The following RNF150 variants were observed in gnomAD, a reference collection of about 807,000 sequenced individuals.
RNF150 encodes the protein ring finger protein 150.
RNF150 carries 24 observed loss-of-function variants against 39.3 expected under a neutral mutation model. The ratio of observed to expected loss-of-function variants is 0.61; its 90% CI spans 0.44 to 0.86. The LOEUF is 0.86. Among genes scored for constraint, RNF150 ranks in the 40% least tolerant of loss-of-function variants. The pLI, the probability that RNF150 is intolerant of heterozygous loss-of-function variation, is 0.00. For synonymous variants in RNF150, 255 were observed against 227.3 expected (o/e 1.12, Z -1.10); for missense variants, 502 against 587.8 (o/e 0.85, Z 1.51).
intron 1 of RNF150, among the ~76,000 whole-genome samples, chr4:141,139,887 T>C (rs1369582816): frequency 6.6e-6 from 1 of 152,212 alleles, no homozygotes; most frequent in Non-Finnish European, 1.5e-5. Context: ...GGTAGTCTTT[T>C]TGTCTCAGAT....
intron 1 of RNF150, among the ~76,000 whole-genome samples, chr4:141,171,099 A>G (rs773867891): frequency 1.3e-5 from 2 of 152,218 alleles, no homozygotes; most frequent in Non-Finnish European, 2.9e-5. Context: ...TATAATGAAT[A>G]TATACACAGT....
intron 1 of RNF150, among the ~76,000 whole-genome samples, chr4:141,209,587 G>A (rs1423626517): frequency 6.6e-6 from 1 of 152,034 alleles, no homozygotes; most frequent in Admixed American, 6.6e-5. Flanking sequence ...CACAATTTGT[G>A]TTTTCTTGTC....
intron 1 of RNF150, among the ~76,000 whole-genome samples, chr4:141,100,037 A>G (rs989283566): frequency 6.6e-6 from 1 of 152,176 alleles, no homozygotes; most frequent in Non-Finnish European, 1.5e-5. Context: ...ACTGATAAAC[A>G]TGAAAATATA....
At chr4:141,110,809 G>A (rs186452636) in intron 1 of RNF150, among the ~76,000 whole-genome samples, 153 of 151,954 alleles carry the variant, frequency 1.0e-3, no homozygotes, top group Middle Eastern at 6.8e-3. Context: ...CTTCTGTTTC[G>A]GGAAAATGTC....
chr4:140,873,820 C>T (rs1269581913), intron 6 of RNF150, among the ~76,000 whole-genome samples: 3 of 152,146 alleles, frequency 2.0e-5, no homozygotes, highest in East Asian at 1.9e-4. Flanking sequence ...GGACCACATA[C>T]GTGTCCCACC....
intron 1 of RNF150, among the ~76,000 whole-genome samples, chr4:141,077,395 A>C (rs1478969319): frequency 6.6e-6 from 1 of 152,226 alleles, no homozygotes; most frequent in Non-Finnish European, 1.5e-5. Context: ...AAAAGGCTAC[A>C]TATGTGACTG....
intron 1 of RNF150, among the ~76,000 whole-genome samples, chr4:141,068,615 T>C (rs1432783222): frequency 6.6e-6 from 1 of 151,822 alleles, no homozygotes; most frequent in Non-Finnish European, 1.5e-5. Context: ...GGTAGCTTGA[T>C]GGGGATGGCA....
chr4:141,162,198 C>T (rs1308242772), intron 1 of RNF150, among the ~76,000 whole-genome samples: 1 of 152,196 alleles, frequency 6.6e-6, no homozygotes, highest in Non-Finnish European at 1.5e-5. Flanking sequence ...GCCTTGGGAG[C>T]CCACTCCCTG....
At chr4:141,038,221 T>C (rs369868795) in intron 1 of RNF150, among the ~76,000 whole-genome samples, 22 of 152,256 alleles carry the variant, frequency 1.4e-4, no homozygotes, top group African/African-American at 4.6e-4. Flanking sequence ...CCTCAATCTC[T>C]GGAAAGTGCA....
intron 1 of RNF150, among the ~76,000 whole-genome samples, chr4:141,173,308 A>T (rs1560768068): frequency 1.3e-5 from 2 of 152,214 alleles, no homozygotes; most frequent in African/African-American, 4.8e-5. Context: ...GGTGTCTTTT[A>T]TAAAGTTTTG....
chr4:141,064,310 T>C (rs1356374764), intron 1 of RNF150, among the ~76,000 whole-genome samples: 2 of 152,230 alleles, frequency 1.3e-5, no homozygotes, highest in South Asian at 2.1e-4. Context: ...CTGCCTGGTA[T>C]ATGACAGGCG....
In RNF150 at chr4:141,132,640, C is replaced by T. The variant is rs570217475; in HGVS notation, c.169G>A (p.Ala57Thr). 1.9e-6 allele frequency: 3 copies of T among 1,597,006 alleles called. No homozygotes were observed. The highest frequency in any genetic ancestry group is 2.6e-6 in the Non-Finnish European group (3 of 1,173,354). Reference sequence around the variant, plus strand: ...GCGCCGCCGCCGCCCGCCGCCCCGGCCCCGGGGTCCGGCGCGGGCTCGGCG... The same window carrying T: ...GCGCCGCCGCCGCCCGCCGCCCCGGTCCCGGGGTCCGGCGCGGGCTCGGCG... ...TYAEPAPDPGAGAAGGGGAEL... is the reference protein window; with the variant it reads ...TYAEPAPDPGTGAAGGGGAEL... Residue 57 changes from alanine (A) to threonine (T), a missense_variant, in exon 1 of 7, where the codon GCC (alanine) becomes ACC (threonine). Ala to Thr is a moderately conservative substitution (Grantham distance 58). Transcript: ENST00000515673. This position sits in a 1 kb window ranked among gnomAD's most constrained non-coding sequence, Gnocchi z 4.9.
At chr4:141,110,754 G>A (rs1739360714) in intron 1 of RNF150, among the ~76,000 whole-genome samples, 1 of 151,938 alleles carries the variant, frequency 6.6e-6, no homozygotes, top group Admixed American at 6.6e-5. Flanking sequence ...GATGGGTACA[G>A]CAGGTGTTAA....
chr4:141,103,043 C>T (rs985537781), intron 1 of RNF150, among the ~76,000 whole-genome samples: 2 of 152,138 alleles, frequency 1.3e-5, no homozygotes, highest in African/African-American at 4.8e-5. Context: ...TTTGACTCAC[C>T]ATCCCCTGTG....
chr4:141,126,281 T>C (rs1726754159), intron 1 of RNF150, among the ~76,000 whole-genome samples: 1 of 152,198 alleles, frequency 6.6e-6, no homozygotes, highest in Non-Finnish European at 1.5e-5. Flanking sequence ...ATACTCTCAA[T>C]GCTTGGGAAG....
At chr4:140,968,691 C>A (rs1362855390) in intron 1 of RNF150, among the ~76,000 whole-genome samples, 1 of 151,644 alleles carries the variant, frequency 6.6e-6, no homozygotes, top group Non-Finnish European at 1.5e-5. Context: ...CAGCTTGGAG[C>A]AAAAGTACCA....
chr4:141,210,186 G>C (rs903312069), intron 1 of RNF150, among the ~76,000 whole-genome samples: 8 of 152,108 alleles, frequency 5.3e-5, no homozygotes, highest in African/African-American at 1.9e-4. Context: ...CTTTTATTGT[G>C]ATCTCTCATG....
At chr4:141,123,646 C>T (rs1270755102) in intron 1 of RNF150, among the ~76,000 whole-genome samples, 1 of 152,116 alleles carries the variant, frequency 6.6e-6, no homozygotes, top group Non-Finnish European at 1.5e-5. Flanking sequence ...TGGTGTGTTG[C>T]ACCCATTAAC....
In RNF150 at chr4:140,886,262, C is replaced by T. The variant is rs1023514057; in HGVS notation, c.1199-17883G>A. Among the ~76,000 whole-genome samples, 20 of 150,980 alleles carry T rather than the reference C, an allele frequency of 1.3e-4. No individual in the cohort carries two copies. In the East Asian group the frequency reaches 3.5e-3, roughly 26 times the overall value. ...AAGTGAATGTTCAAGTCAATGTTAG[C>T]TTTTACTTATTTGCTTTTACTCCAC... On this transcript the variant is annotated intron_variant, in intron 6 of 6. Coordinates refer to ENST00000515673, the MANE Select transcript of RNF150 (RefSeq NM_020724.2).
Sources: gnomAD v4.1 joint callset for allele counts (sites outside exome capture counted in the v4.1 genomes callset) on GRCh38, gnomAD v4.1.1 for gene constraint, Gnocchi (gnomAD v3.1) non-coding constraint, MANE v1.5 for transcripts, NCBI Gene and HGNC (gene_info 2026-07-23, HGNC 2026-07-21) for gene names.